LRRC49: variants seen among roughly 807,000 people sequenced by gnomAD.
LRRC49 encodes leucine rich repeat containing 49.
A neutral mutation model predicts 83.3 loss-of-function variants in LRRC49; 50 were observed. That is an observed-to-expected ratio of 0.60 (90% CI 0.48 to 0.76). The LOEUF (loss-of-function observed/expected upper bound fraction) is 0.76. Among genes scored for constraint, LRRC49 ranks in the 30% least tolerant of loss-of-function variants. The probability of loss-of-function intolerance (pLI) is 0.00; values close to 1 mark genes in which losing one functional copy is unlikely to be tolerated. For synonymous variants in LRRC49, 286 were observed against 283.3 expected (o/e 1.01, Z -0.10); for missense variants, 704 against 809.1 (o/e 0.87, Z 1.58).
rs1042574796 is a variant in LRRC49, at chr15:70,967,506, A to G, written c.921+3574A>G. 3.3e-5 allele frequency among the ~76,000 whole-genome samples: 5 copies of G among 152,074 alleles called. No individual in the cohort carries two copies. The South Asian group carries it at 6.2e-4, about 19-fold the overall frequency. On this transcript the variant is annotated intron_variant, in intron 9 of 15. Transcript: ENST00000260382. ...ATGATGCCATCTATCACTGGCCTCA[A>G]CTCCTATTTTGCTTTATCTTTCTTC...
chr15:71,035,963 T>C (rs983707056), intron 14 of LRRC49, among the ~76,000 whole-genome samples: 12 of 152,172 alleles, frequency 7.9e-5, no homozygotes, highest in Non-Finnish European at 1.2e-4. Flanking sequence ...CCACCAACAG[T>C]GTAAAAGAAC....
At position 71,000,699 on chromosome 15, in the gene LRRC49, T is replaced by G. The variant is rs147749281; in HGVS notation, c.1170-7680T>G. Among the ~76,000 whole-genome samples, 429 of 152,328 alleles carry G rather than the reference T, an allele frequency of 2.8e-3. 6 individuals carry two copies. The highest frequency in any genetic ancestry group is 0.01 in the African/African-American group (417 of 41,578). On this transcript the variant is annotated intron_variant, in intron 11 of 15. Transcript: ENST00000260382. The stretch of plus-strand genomic sequence containing the variant: ...TTTTTAAAAAATTGAACAAAGAAAT[T>G]TACTGCTGTTTCTACATTTCTGACT...
At chr15:70,900,866 G>T in intron 3 of LRRC49, 56 bp from the exon 4 acceptor site, 1 of 1,050,870 alleles carries the variant, frequency 9.5e-7, no homozygotes. Context: ...GATGACTTTA[G>T]TTTCAGACTT....
rs1837594131 is a variant in LRRC49, at chr15:71,050,047, G to T, written c.*435G>T. On this transcript the variant is annotated 3_prime_UTR_variant, in exon 16 of 16. Coordinates refer to ENST00000260382, the MANE Select transcript of LRRC49 (RefSeq NM_017691.5). ...AAAATATGTTCTTTTTATGAGTGAA[G>T]AATAAACTTACTAACAAATTAGTCA... The T allele has an allele frequency of 6.4e-6, 1 of 155,046 alleles. No homozygotes were observed. Among genetic ancestry groups the T allele is most frequent in the Non-Finnish European group, 1.4e-5 (1 of 70,120 alleles). The allele number at this position is 155,046 out of a possible 1,614,324, so 9.6% of individuals were successfully genotyped here. A position where few individuals can be genotyped will look rare whatever the true frequency, so the allele number is the denominator to read the frequency against.
chr15:70,980,315 C>T (rs759598819), intron 10 of LRRC49, 131 bp downstream of exon 10: 30 of 514,462 alleles, frequency 5.8e-5, no homozygotes, highest in Admixed American at 1.1e-4. Flanking sequence ...ACAGAATGTA[C>T]GTACCCCTAA....
intron 14 of LRRC49, among the ~76,000 whole-genome samples, chr15:71,015,354 G>C (rs927876184): frequency 2.0e-5 from 3 of 152,174 alleles, no homozygotes; most frequent in African/African-American, 7.2e-5. Context: ...TTGGGGCTAG[G>C]GGATGGTTTT....
At chr15:70,971,509 G>C (rs1261677435) in intron 9 of LRRC49, among the ~76,000 whole-genome samples, 1 of 152,156 alleles carries the variant, frequency 6.6e-6, no homozygotes, top group East Asian at 1.9e-4. Flanking sequence ...CTGAGTTCAA[G>C]TCCTGAATAT....
chr15:70,927,895 A>G (rs181699551), intron 7 of LRRC49, among the ~76,000 whole-genome samples: 1 of 152,166 alleles, frequency 6.6e-6, no homozygotes, highest in Non-Finnish European at 1.5e-5. Context: ...TGATCCTCCC[A>G]TCTTGGCCTC....
intron 14 of LRRC49, among the ~76,000 whole-genome samples, chr15:71,027,445 T>C (rs1366562174): frequency 6.6e-6 from 1 of 152,218 alleles, no homozygotes; most frequent in Admixed American, 6.5e-5. Context: ...TGGTTCCATA[T>C]GAAATTTAAA....
At chr15:70,868,677 G>A (rs2032963077) in intron 1 of LRRC49, among the ~76,000 whole-genome samples, 1 of 152,174 alleles carries the variant, frequency 6.6e-6, no homozygotes, top group South Asian at 2.1e-4. Flanking sequence ...ACTGGTCTGG[G>A]GACCATAAGA....
intron 11 of LRRC49, among the ~76,000 whole-genome samples, chr15:70,992,276 A>G (rs1250932200): frequency 6.6e-6 from 1 of 152,114 alleles, no homozygotes; most frequent in East Asian, 1.9e-4. Context: ...TAGCTCGGAG[A>G]AGTTTGATCG....
intron 2 of LRRC49, among the ~76,000 whole-genome samples, chr15:70,880,990 G>A (rs923394830): frequency 4.6e-5 from 7 of 152,302 alleles, no homozygotes; most frequent in African/African-American, 1.4e-4. Context: ...CTGGGAGACC[G>A]AGGTGGCAGG....
At chr15:70,861,983 C>T (rs1432158738) in intron 1 of LRRC49, among the ~76,000 whole-genome samples, 2 of 152,044 alleles carry the variant, frequency 1.3e-5, no homozygotes, top group East Asian at 1.9e-4. Flanking sequence ...TAGATCTAGG[C>T]GAGTGATCAG....
At chr15:70,968,814 C>G (rs1045430712) in intron 9 of LRRC49, among the ~76,000 whole-genome samples, 1 of 152,182 alleles carries the variant, frequency 6.6e-6, no homozygotes, top group Non-Finnish European at 1.5e-5. Flanking sequence ...CCTTCCCCCA[C>G]TTTCTGATGG....
At chr15:71,034,300 T>G (rs879531833) in intron 14 of LRRC49, among the ~76,000 whole-genome samples, 1 of 152,190 alleles carries the variant, frequency 6.6e-6, no homozygotes, top group African/African-American at 2.4e-5. Flanking sequence ...ACATCACTGA[T>G]TATTAGAGAA....
At chr15:70,963,461 T>C (rs984254944) in intron 8 of LRRC49, among the ~76,000 whole-genome samples, 2 of 151,946 alleles carry the variant, frequency 1.3e-5, no homozygotes, top group Admixed American at 6.6e-5. Context: ...TCAGGAGATA[T>C]GACAACTAAA....
chr15:70,874,966 G>T (rs1262719434), intron 2 of LRRC49, among the ~76,000 whole-genome samples: 1 of 152,236 alleles, frequency 6.6e-6, no homozygotes, highest in Non-Finnish European at 1.5e-5. Context: ...GGTTCTAGAT[G>T]ATTTCACTAA....
At chr15:71,025,635 C>T (rs1037133424) in intron 14 of LRRC49, among the ~76,000 whole-genome samples, 1 of 148,338 alleles carries the variant, frequency 6.7e-6, no homozygotes, top group African/African-American at 2.5e-5. Context: ...TGCAAAGACA[C>T]ACAAAATAAA....
chr15:70,932,521 A>T (rs892348374), intron 7 of LRRC49, among the ~76,000 whole-genome samples: 6 of 152,124 alleles, frequency 3.9e-5, no homozygotes, highest in Non-Finnish European at 7.4e-5. Flanking sequence ...AGTAAAAATG[A>T]GAGTAGCTAT....
Sources: gnomAD v4.1 joint callset for allele counts (sites outside exome capture counted in the v4.1 genomes callset) on GRCh38, gnomAD v4.1.1 for gene constraint, MANE v1.5 for transcripts, NCBI Gene and HGNC (gene_info 2026-07-23, HGNC 2026-07-21) for gene names.